Variants in PREX2 observed in about 807,000 individuals in gnomAD.
The protein encoded by PREX2 is phosphatidylinositol-3,4,5-trisphosphate dependent Rac exchange factor 2.
Under a neutral mutation model 203.2 loss-of-function variants are expected in PREX2, and 107 were observed. That is an observed-to-expected ratio of 0.53 (90% CI 0.45 to 0.62). The LOEUF is 0.62. Among genes scored for constraint, PREX2 ranks in the 20% least tolerant of loss-of-function variants. The probability of loss-of-function intolerance (pLI) is 0.00; values close to 1 mark genes in which losing one functional copy is unlikely to be tolerated. For missense variants in PREX2, 1,777 were observed against 1,955.9 expected, an observed-to-expected ratio of 0.91 and a Z score of 1.72; for synonymous variants, 672 against 663.6, an observed-to-expected ratio of 1.01 and a Z score of -0.19.
At chr8:68,192,569 C>T in intron 37 of PREX2, 44 bp downstream of exon 37, 1 of 1,443,716 alleles carries the variant, frequency 6.9e-7, no homozygotes, top group East Asian at 2.4e-5. Context: ...TTAGATCACA[C>T]TTTATTTGAT....
At chr8:68,048,738 T>G (rs1159285485) in intron 8 of PREX2, among the ~76,000 whole-genome samples, 2 of 152,034 alleles carry the variant, frequency 1.3e-5, no homozygotes, top group Non-Finnish European at 2.9e-5. Flanking sequence ...TGCATAGATT[T>G]AAAAATGCTT....
In PREX2 at chr8:67,952,320, G is replaced by C; in HGVS notation, c.-75G>C. 7.9e-7 allele frequency: 1 copy of C among 1,263,906 alleles called. No individual in the cohort carries two copies. The highest frequency in any genetic ancestry group is 1.0e-6 in the Non-Finnish European group (1 of 994,498). The allele number at this position is 1,263,906 out of a possible 1,614,324, so 78.3% of individuals were successfully genotyped here. ...GGCAACTTTCCATTCTCGCCGCCGG[G>C]GGCCGGGCAGCAGCGGGCGCGCGGG... On this transcript the variant is annotated 5_prime_UTR_variant, in exon 1 of 40. Transcript: ENST00000288368.
chr8:68,148,891 T>C (rs574460850), intron 34 of PREX2, among the ~76,000 whole-genome samples: 1 of 152,322 alleles, frequency 6.6e-6, no homozygotes, highest in East Asian at 1.9e-4. Flanking sequence ...GAATCATTAG[T>C]AGCTTAGTAT....
In PREX2 at chr8:68,063,382, T is replaced by G. The variant is rs190737222; in HGVS notation, c.1339+2603T>G. On this transcript the variant is annotated intron_variant, in intron 11 of 39. Coordinates refer to ENST00000288368, the MANE Select transcript of PREX2 (RefSeq NM_024870.4). ...GCAGCCAAGGACATGTACACAAAAG[T>G]GGTGCACAAGGGAAGTGTACAGGCT... 3.9e-5 allele frequency among the ~76,000 whole-genome samples: 6 copies of G among 152,134 alleles called. No individual in the cohort carries two copies. In the East Asian group the frequency reaches 1.2e-3, roughly 29 times the overall value.
rs1808093229 is a variant in PREX2 at position 68,038,238 on chromosome 8, A to G, written c.785A>G (p.Glu262Gly). The G allele has an allele frequency of 4.3e-6, 7 of 1,613,904 alleles. No individual in the cohort carries two copies. The highest frequency in any genetic ancestry group is 5.9e-6 in the Non-Finnish European group (7 of 1,179,860). Residue 262 changes from glutamate (E) to glycine (G), a missense_variant, in exon 7 of 40, where the codon GAA (glutamate) becomes GGA (glycine). By Grantham distance (98) the Glu-to-Gly change is moderately conservative (BLOSUM62 -2). Transcript: ENST00000288368. The stretch of plus-strand genomic sequence containing the variant: ...AAAATTTCTTCTGGAAATATTCAAG[A>G]ACGGGTGTTTTTTCTTTTCGATAAT... ...LLKISSGNIQ[E>G]RVFFLFDNLL...
intron 35 of PREX2, among the ~76,000 whole-genome samples, chr8:68,171,999 TTCTC>T (rs1324978523): frequency 6.6e-6 from 1 of 152,324 alleles, no homozygotes; most frequent in East Asian, 1.9e-4. Context: ...TTTATTTTTG[TTCTC>T]TCTTTTAGCA....
chr8:68,016,489 T>A (rs1288251891), intron 1 of PREX2, among the ~76,000 whole-genome samples: 1 of 152,232 alleles, frequency 6.6e-6, no homozygotes, highest in African/African-American at 2.4e-5. Context: ...TTATTGATGG[T>A]CATTTAGATT....
At chr8:68,129,886 CA>C (rs3056769) in intron 31 of PREX2, among the ~76,000 whole-genome samples, 69,223 of 147,414 alleles carry the variant, frequency 0.47, 16,154 homozygotes, top group Middle Eastern at 0.54. Flanking sequence ...CAATAGTAAG[CA>C]AAAAAAAAAA....
chr8:68,101,543 A>G, intron 23 of PREX2: 1 of 484,022 alleles, frequency 2.1e-6, no homozygotes. Flanking sequence ...GAAGGACAGA[A>G]GATTCTTTTC....
At chr8:68,032,972 T>C (rs1475078773) in intron 6 of PREX2, among the ~76,000 whole-genome samples, 1 of 152,216 alleles carries the variant, frequency 6.6e-6, no homozygotes, top group Non-Finnish European at 1.5e-5. Context: ...GTTCCTTCAG[T>C]AACTAAAATT....
chr8:68,192,256 C>G, intron 36 of PREX2, 79 bp from the exon 37 acceptor site: 1 of 1,105,556 alleles, frequency 9.0e-7, no homozygotes, highest in Non-Finnish European at 1.3e-6. Context: ...TTAGACTATT[C>G]TTTAACAGCT....
At chr8:68,178,337 C>T (rs528089565) in intron 35 of PREX2, among the ~76,000 whole-genome samples, 1 of 152,056 alleles carries the variant, frequency 6.6e-6, no homozygotes, top group African/African-American at 2.4e-5. Context: ...GAGATGGTAT[C>T]TCATTGTGGT....
chr8:68,113,868 T>G (rs181035062), intron 25 of PREX2, among the ~76,000 whole-genome samples: 23 of 152,248 alleles, frequency 1.5e-4, no homozygotes, highest in African/African-American at 5.3e-4. Flanking sequence ...TTGTTGCTTG[T>G]TTGGTTGGTT....
intron 5 of PREX2, among the ~76,000 whole-genome samples, chr8:68,030,170 G>A (rs1807840594): frequency 6.6e-6 from 1 of 152,048 alleles, no homozygotes; most frequent in African/African-American, 2.4e-5. Context: ...ATAAAGATGT[G>A]CTTCTGTTAG....
At chr8:68,032,832 C>T (rs1433107841) in intron 6 of PREX2, among the ~76,000 whole-genome samples, 1 of 152,140 alleles carries the variant, frequency 6.6e-6, no homozygotes, top group Non-Finnish European at 1.5e-5. Context: ...ATGACAGTTA[C>T]AGAATGCAGA....
chr8:67,966,755 G>A (rs566881398), intron 1 of PREX2, among the ~76,000 whole-genome samples: 1 of 152,306 alleles, frequency 6.6e-6, no homozygotes, highest in Admixed American at 6.5e-5. Context: ...AATATGCTAA[G>A]CATTGTGATT....
intron 34 of PREX2, 137 bp downstream of exon 34, chr8:68,146,489 G>A: frequency 1.3e-6 from 1 of 750,428 alleles, no homozygotes; most frequent in Non-Finnish European, 2.1e-6. Flanking sequence ...TTGCTTCTGG[G>A]AATGTTTATT....
chr8:68,222,709 C>CAAAAAA (rs575924238), intron 38 of PREX2, among the ~76,000 whole-genome samples: 1 of 115,692 alleles, frequency 8.6e-6, no homozygotes. Flanking sequence ...TATTAACTAC[C>CAAAAAA]AAAAAAAAAA....
intron 35 of PREX2, among the ~76,000 whole-genome samples, chr8:68,184,255 T>C (rs1382340272): frequency 1.3e-5 from 2 of 152,178 alleles, no homozygotes; most frequent in African/African-American, 2.4e-5. Context: ...TGTCTCTTCA[T>C]GAGAATTTTT....
Sources: allele counts gnomAD v4.1 joint callset (sites outside exome capture counted in the v4.1 genomes callset), GRCh38; gene constraint gnomAD v4.1.1; transcripts MANE v1.5; gene names NCBI Gene and HGNC (gene_info 2026-07-23, HGNC 2026-07-21).